The following DDX60L variants were observed in gnomAD, a reference collection of about 807,000 sequenced individuals.
The protein encoded by DDX60L is DExD/H-box 60 like, also known as probable ATP-dependent RNA helicase DDX60-like.
In DDX60L, 191 loss-of-function variants were observed where a neutral mutation model predicts 211.6. That is an observed-to-expected ratio of 0.90 (90% CI 0.80 to 1.02). The LOEUF is 1.02. Ranked by LOEUF, DDX60L falls within the 50% of genes least tolerant of loss-of-function variation. DDX60L has a pLI of 0.00. For synonymous variants in DDX60L, 706 were observed against 694.1 expected (o/e 1.02, Z -0.27); for missense variants, 2,007 against 1,984.1 (o/e 1.01, Z -0.22).
chr4:168,454,476 G>T (rs1007538100), intron 7 of DDX60L, among the ~76,000 whole-genome samples: 2 of 152,104 alleles, frequency 1.3e-5, no homozygotes, highest in African/African-American at 4.8e-5. Context: ...GGAAAAACGT[G>T]AAATATCTAG....
At chr4:168,420,439 T>G (rs1750320768) in intron 17 of DDX60L, 59 bp from the exon 18 acceptor site, 3 of 1,482,750 alleles carry the variant, frequency 2.0e-6, no homozygotes, top group Non-Finnish European at 1.8e-6. Context: ...TATAAAACCT[T>G]GAGGACAACC....
chr4:168,426,065 C>T lies in DDX60L; in HGVS notation c.1930+1005G>A, dbSNP rs189129195. On this transcript the variant is annotated intron_variant, in intron 14 of 37. Transcript: ENST00000682922. ...GGGCCCATTCCAACCCACTTCCCTC[C>T]CTGCCAGCCCACAGTGTGGAAATGG... Among the ~76,000 whole-genome samples, 10 of 152,244 alleles carry T rather than the reference C, an allele frequency of 6.6e-5. No homozygotes were observed. The East Asian group carries it at 1.5e-3, about 24-fold the overall frequency.
intron 29 of DDX60L, chr4:168,390,253 G>A: frequency 9.3e-7 from 1 of 1,072,232 alleles, no homozygotes; most frequent in Non-Finnish European, 1.1e-6. Flanking sequence ...AGAGAAAAAA[G>A]GAGACCATAA....
chr4:168,367,274 G>A (rs2684360), intron 36 of DDX60L, among the ~76,000 whole-genome samples: 106,142 of 152,030 alleles, frequency 0.7, 38,924 homozygotes, highest in East Asian at 0.85. Context: ...CCAGTGGGAG[G>A]TTATTGATTT....
rs370344841 is a variant in DDX60L, at chr4:168,394,631, G to A, written c.3658-14C>T. On this transcript the variant is annotated splice_polypyrimidine_tract_variant and intron_variant, in intron 27 of 37. Transcript: ENST00000682922. Reference sequence around the variant, plus strand: ...CCTCTCCAAAGTCTAAAACAAGAAAGAAGTGTAAAACAATTGATGATGTAT... The same window carrying A: ...CCTCTCCAAAGTCTAAAACAAGAAAAAAGTGTAAAACAATTGATGATGTAT... 152 of 1,580,400 alleles carry A rather than the reference G, an allele frequency of 9.6e-5. No homozygotes were observed. The highest frequency in any genetic ancestry group is 1.3e-4 in the Non-Finnish European group (147 of 1,167,934).
rs769263476 is a variant in DDX60L at position 168,433,074 on chromosome 4, T to C, written c.1336A>G (p.Met446Val). ...AACTCATCAATTACAGCAGATGTCA[T>C]TGGAATAAAGCCCACACTAGGCATC... ...EKMPSVGFIPMTSAVIDEFVG... is the reference protein window; with the variant it reads ...EKMPSVGFIPVTSAVIDEFVG... The change falls in exon 11 of 38, where the codon ATG (methionine) becomes GTG (valine). Residue 446 changes from methionine (M) to valine (V), a missense_variant. Coordinates refer to ENST00000682922, the MANE Select transcript of DDX60L (RefSeq NM_001012967.3). 1.4e-5 allele frequency: 22 copies of C among 1,609,652 alleles called. No individual in the cohort carries two copies. The highest frequency in any genetic ancestry group is 2.2e-5 in the East Asian group (1 of 44,704).
At chr4:168,431,148 T>G (rs1752282337) in intron 12 of DDX60L, among the ~76,000 whole-genome samples, 1 of 152,200 alleles carries the variant, frequency 6.6e-6, no homozygotes, top group Admixed American at 6.5e-5. Context: ...CCTCTACTTC[T>G]GGTCCCAGTC....
At chr4:168,413,579 T>A (rs1237757990) in intron 22 of DDX60L, among the ~76,000 whole-genome samples, 1 of 151,706 alleles carries the variant, frequency 6.6e-6, no homozygotes, top group African/African-American at 2.4e-5. Flanking sequence ...AAGCAAAAGC[T>A]GACATACTGA....
At chr4:168,474,080 A>T (rs1370790254) in intron 1 of DDX60L, among the ~76,000 whole-genome samples, 1 of 152,168 alleles carries the variant, frequency 6.6e-6, no homozygotes, top group Admixed American at 6.5e-5. Context: ...GCTTTGCTGC[A>T]CTCTAGGAGC....
At chr4:168,420,198 A>C (rs1750266292) in intron 18 of DDX60L, 63 bp downstream of exon 18, 1 of 1,328,918 alleles carries the variant, frequency 7.5e-7, no homozygotes, top group Non-Finnish European at 1.0e-6. Context: ...GATTCCCAGC[A>C]AAACAGTTAT....
intron 1 of DDX60L, among the ~76,000 whole-genome samples, chr4:168,479,166 A>G (rs2171676): frequency 1.9e-4 from 15 of 78,238 alleles, no homozygotes; most frequent in South Asian, 1.4e-3. Context: ...ATGGATGGAT[A>G]GAGAGATAGG....
intron 20 of DDX60L, among the ~76,000 whole-genome samples, chr4:168,416,098 GTGCTGCTGTTACTGCCATC>G (rs1476530534): frequency 5.9e-5 from 9 of 152,190 alleles, no homozygotes; most frequent in African/African-American, 1.9e-4. Flanking sequence ...CTTGTTACCA[GTGCTGCTGTTACTGCCATC>G]GTCGCTGTTA....
chr4:168,425,236 T>C (rs1751265408), intron 14 of DDX60L, among the ~76,000 whole-genome samples: 5 of 152,344 alleles, frequency 3.3e-5, no homozygotes, highest in Middle Eastern at 3.4e-3. Context: ...GCAATTCCTA[T>C]CTGATATGGC....
intron 33 of DDX60L, among the ~76,000 whole-genome samples, chr4:168,376,854 T>A (rs1465894785): frequency 6.6e-6 from 1 of 152,246 alleles, no homozygotes; most frequent in Non-Finnish European, 1.5e-5. Context: ...TGCTATAGTT[T>A]ACACATATTT....
chr4:168,470,321 A>G (rs926069966), intron 4 of DDX60L: 4 of 152,266 alleles, frequency 2.6e-5, no homozygotes, highest in African/African-American at 7.2e-5. Context: ...ACTTACGTCC[A>G]CACGAAGACT....
Position 168,404,126 on chromosome 4 carries a change from T to A in DDX60L, c.3214-20A>T. On this transcript the variant is annotated intron_variant, in intron 24 of 37. Transcript: ENST00000682922. ...TTTGACCTACAACAGTAAGTAAAAA[T>A]TATTTAAAAAAAAAAAAAGAATTTG... The A allele has an allele frequency of 1.6e-6, 2 of 1,267,340 alleles. No individual in the cohort carries two copies. The highest frequency in any genetic ancestry group is 2.0e-6 in the Non-Finnish European group (2 of 982,634). 78.5% of individuals were successfully genotyped at this position (1,267,340 alleles called of 1,614,324 possible).
chr4:168,444,213 G>C (rs1754392867), intron 9 of DDX60L, among the ~76,000 whole-genome samples: 1 of 68,850 alleles, frequency 1.5e-5, no homozygotes, highest in African/African-American at 5.8e-5. Context: ...ACAAAAAAAG[G>C]CAGGGGTTGC....
chr4:168,465,765 G>A (rs1257488977), intron 4 of DDX60L, among the ~76,000 whole-genome samples: 1 of 152,076 alleles, frequency 6.6e-6, no homozygotes, highest in Admixed American at 6.6e-5. Context: ...TTTCCCCAGT[G>A]AACGTTCTTG....
chr4:168,439,013 T>C (rs1485010379), intron 10 of DDX60L, among the ~76,000 whole-genome samples: 1 of 152,208 alleles, frequency 6.6e-6, no homozygotes, highest in Non-Finnish European at 1.5e-5. Flanking sequence ...CCCAAGAACT[T>C]AGCATTGTCT....
Sources: allele counts gnomAD v4.1 joint callset (sites outside exome capture counted in the v4.1 genomes callset), GRCh38; gene constraint gnomAD v4.1.1; transcripts MANE v1.5; gene names NCBI Gene and HGNC (gene_info 2026-07-23, HGNC 2026-07-21).